Variants in SLX4IP observed in about 807,000 individuals in gnomAD.
The protein encoded by SLX4IP is SLX4 interacting protein.
In SLX4IP, 34 loss-of-function variants were observed where a neutral mutation model predicts 32.9. The observed-to-expected ratio is 1.03, with a 90% confidence interval of 0.79 to 1.38. The LOEUF (loss-of-function observed/expected upper bound fraction) is 1.38, where lower values mean the gene tolerates loss of function less well. Ranked by LOEUF, SLX4IP falls within the 40% of genes most tolerant of loss-of-function variation. The probability of loss-of-function intolerance (pLI) is 0.00; values close to 1 mark genes in which losing one functional copy is unlikely to be tolerated. For synonymous variants in SLX4IP, 172 were observed against 171.7 expected, an observed-to-expected ratio of 1.00 and a Z score of -0.01; for missense variants, 444 against 479.0, an observed-to-expected ratio of 0.93 and a Z score of 0.68.
At chr20:10,506,065 A>G (rs1351865151) in intron 2 of SLX4IP, among the ~76,000 whole-genome samples, 1 of 152,176 alleles carries the variant, frequency 6.6e-6, no homozygotes, top group Non-Finnish European at 1.5e-5. Context: ...CTTGTGCACT[A>G]TTTTAACATG....
At chr20:10,445,667 C>T (rs1282612287) in intron 1 of SLX4IP, among the ~76,000 whole-genome samples, 1 of 149,518 alleles carries the variant, frequency 6.7e-6, no homozygotes, top group African/African-American at 2.5e-5. Context: ...CTCTGTCACT[C>T]AGGCTGGAGT....
chr20:10,581,846 C>G (rs1313075590), intron 4 of SLX4IP, among the ~76,000 whole-genome samples: 1 of 152,110 alleles, frequency 6.6e-6, no homozygotes, highest in Admixed American at 6.5e-5. Flanking sequence ...CGCTTGAGCC[C>G]AGAAGTTTGA....
intron 2 of SLX4IP, among the ~76,000 whole-genome samples, chr20:10,501,586 C>T (rs1457969533): frequency 6.6e-6 from 1 of 152,238 alleles, no homozygotes; most frequent in Admixed American, 6.5e-5. Flanking sequence ...CCTTGTTTTA[C>T]CTCCTCTCCG....
intron 6 of SLX4IP, 61 bp downstream of exon 6, chr20:10,601,880 A>T: frequency 7.0e-7 from 1 of 1,438,696 alleles, no homozygotes; most frequent in South Asian, 1.2e-5. Flanking sequence ...TACTGTAAAA[A>T]ATAGAAAACA....
intron 2 of SLX4IP, among the ~76,000 whole-genome samples, chr20:10,553,025 C>G (rs1323666524): frequency 1.3e-5 from 2 of 152,088 alleles, no homozygotes; most frequent in African/African-American, 4.8e-5. Context: ...TTCCAGAATC[C>G]TTGGAACTTC....
chr20:10,594,242 C>T lies in SLX4IP; in HGVS notation c.239-4433C>T, dbSNP rs550202990. On this transcript the variant is annotated intron_variant, in intron 4 of 7. Coordinates refer to ENST00000334534, the MANE Select transcript of SLX4IP (RefSeq NM_001009608.3). ...GTGTGAGTGATGATAATAATGGAGT[C>T]ATCTCAGGGAGAGAAGTACTGAGGG... Among the ~76,000 whole-genome samples, 23 of 152,272 alleles carry T rather than the reference C, an allele frequency of 1.5e-4. No individual in the cohort carries two copies. The South Asian group carries it at 2.7e-3, about 18-fold the overall frequency.
At chr20:10,524,732 G>A (rs1046775872) in intron 2 of SLX4IP, among the ~76,000 whole-genome samples, 1 of 152,184 alleles carries the variant, frequency 6.6e-6, no homozygotes, top group Non-Finnish European at 1.5e-5. Context: ...GGCTCTGCCA[G>A]TTACCTGCCA....
intron 2 of SLX4IP, among the ~76,000 whole-genome samples, chr20:10,551,195 A>G (rs1600992301): frequency 6.6e-6 from 1 of 152,232 alleles, no homozygotes; most frequent in African/African-American, 2.4e-5. Context: ...CTTAGGAAAG[A>G]GATAGGAAAA....
intron 2 of SLX4IP, among the ~76,000 whole-genome samples, chr20:10,495,012 A>T (rs1020106880): frequency 5.3e-5 from 8 of 152,174 alleles, no homozygotes; most frequent in African/African-American, 1.9e-4. Context: ...GACAAGTGAG[A>T]TGATAGATAT....
At chr20:10,478,118 T>C (rs674579) in intron 2 of SLX4IP, among the ~76,000 whole-genome samples, 102,979 of 151,756 alleles carry the variant, frequency 0.68, 35,223 homozygotes, top group South Asian at 0.8. Flanking sequence ...AGGCTGGTCT[T>C]GAACTCCTGA....
intron 4 of SLX4IP, among the ~76,000 whole-genome samples, chr20:10,571,803 A>G (rs972982540): frequency 1.3e-5 from 2 of 152,164 alleles, no homozygotes; most frequent in Non-Finnish European, 2.9e-5. Context: ...GCATGTTTCC[A>G]TTGCAACATC....
At chr20:10,550,885 T>C (rs1487171328) in intron 2 of SLX4IP, among the ~76,000 whole-genome samples, 1 of 152,166 alleles carries the variant, frequency 6.6e-6, no homozygotes, top group Non-Finnish European at 1.5e-5. Context: ...CTCCCTCTGG[T>C]ACTTGGGTAT....
chr20:10,490,032 T>C (rs1247485139), intron 2 of SLX4IP, among the ~76,000 whole-genome samples: 3 of 152,152 alleles, frequency 2.0e-5, no homozygotes, highest in African/African-American at 7.2e-5. Context: ...TAATATCTAA[T>C]TCTAAGGAGG....
intron 2 of SLX4IP, among the ~76,000 whole-genome samples, chr20:10,552,219 G>A (rs1237513877): frequency 6.6e-6 from 1 of 152,084 alleles, no homozygotes; most frequent in African/African-American, 2.4e-5. Context: ...TGCTCAAGAG[G>A]TGGCTTGGCC....
At chr20:10,452,678 A>ATATATATATATATATATATATATATAT (rs1365793671) in intron 1 of SLX4IP, among the ~76,000 whole-genome samples, 2 of 97,786 alleles carry the variant, frequency 2.0e-5, no homozygotes, top group African/African-American at 7.2e-5. Context: ...AAAAAAAAAA[A>ATATATATATATATATATATATATATAT]AAATATATAT....
intron 2 of SLX4IP, among the ~76,000 whole-genome samples, chr20:10,487,792 G>T (rs547374209): frequency 6.6e-6 from 1 of 152,138 alleles, no homozygotes; most frequent in Non-Finnish European, 1.5e-5. Flanking sequence ...TTGCATGTTC[G>T]CTGAACAGTA....
chr20:10,619,123 C>T (rs534085721), intron 6 of SLX4IP, among the ~76,000 whole-genome samples: 1 of 152,102 alleles, frequency 6.6e-6, no homozygotes, highest in Non-Finnish European at 1.5e-5. Context: ...AATATGCCTC[C>T]TTCAACAAAT....
In SLX4IP at chr20:10,602,356, T is replaced by C. The variant is rs568826203; in HGVS notation, c.405+537T>C. The stretch of plus-strand genomic sequence containing the variant: ...TGTCTCCTTCTCTGTCTCCCTTTTC[T>C]CATGCTAAGTCTTGAGTTCCAGCAG... On this transcript the variant is annotated intron_variant, in intron 6 of 7. Coordinates refer to ENST00000334534, the MANE Select transcript of SLX4IP (RefSeq NM_001009608.3). Among the ~76,000 whole-genome samples the C allele has an allele frequency of 5.3e-5, 8 of 152,262 alleles. No homozygotes were observed. In the South Asian group the frequency reaches 1.7e-3, roughly 32 times the overall value.
Position 10,518,455 on chromosome 20 carries a change from CTTCCTTCCTTTCCTTTCTT to C in SLX4IP, c.28-37769_28-37751del, listed in dbSNP as rs1396762604. ...TCCCTCCTTCTTCCTTCCTTCCTTC[CTTCCTTCCTTTCCTTTCTT>C]TTCCTTTCCTTTCCTTTTCCTTCCT... On this transcript the variant is annotated intron_variant, in intron 2 of 7. Coordinates refer to ENST00000334534, the MANE Select transcript of SLX4IP (RefSeq NM_001009608.3). 1.2e-3 allele frequency among the ~76,000 whole-genome samples: 61 copies of C among 49,448 alleles called. 3 individuals carry two copies. Among genetic ancestry groups the C allele is most frequent in the African/African-American group, 3.4e-3 (57 of 16,976 alleles). 32.4% of individuals were successfully genotyped at this position (49,448 alleles called of 152,430 possible).
Sources: allele counts gnomAD v4.1 joint callset (sites outside exome capture counted in the v4.1 genomes callset), GRCh38; gene constraint gnomAD v4.1.1; transcripts MANE v1.5; gene names NCBI Gene and HGNC (gene_info 2026-07-23, HGNC 2026-07-21).